Variants in CSMD1 observed in about 807,000 individuals in gnomAD.
CSMD1 encodes CUB and sushi domain-containing protein 1.
A neutral mutation model predicts 417.5 loss-of-function variants in CSMD1; 213 were observed. The observed-to-expected ratio is 0.51, with a 90% CI of 0.46 to 0.57. The LOEUF (loss-of-function observed/expected upper bound fraction) is 0.57, where lower values mean the gene tolerates loss of function less well. CSMD1 is among the 20% of genes least tolerant of loss of function. CSMD1 has a pLI of 0.00. For missense variants in CSMD1, 6,923 were observed against 4,529.7 expected, an observed-to-expected ratio of 1.53 and a Z score of -15.17; for synonymous variants, 2,862 against 1,736.8, an observed-to-expected ratio of 1.65 and a Z score of -16.11.
chr8:4,815,226 G>T (rs535022056), intron 1 of CSMD1, among the ~76,000 whole-genome samples: 1 of 151,450 alleles, frequency 6.6e-6, no homozygotes, highest in East Asian at 2.0e-4. Flanking sequence ...TTCATCAAAT[G>T]ATTATTTGAT....
rs558697045 is a variant in CSMD1, at chr8:4,563,834, G to A, written c.302+73508C>T. 7.9e-5 allele frequency among the ~76,000 whole-genome samples: 12 copies of A among 152,252 alleles called. No individual in the cohort carries two copies. In the South Asian group the frequency reaches 2.5e-3, roughly 32 times the overall value. ...CTGTCCTCAATGTTCCTAAGTATAA[G>A]AATATCTAGGATATCTGCTGAGAAG... On this transcript the variant is annotated intron_variant, in intron 2 of 69. Coordinates refer to ENST00000635120, the MANE Select transcript of CSMD1 (RefSeq NM_033225.6).
chr8:4,479,807 C>G (rs1259160018), intron 2 of CSMD1, among the ~76,000 whole-genome samples: 1 of 151,474 alleles, frequency 6.6e-6, no homozygotes, highest in Non-Finnish European at 1.5e-5. Context: ...CTACTGAAAA[C>G]ACAAAAATTA....
chr8:3,357,734 C>T (rs530140039), intron 21 of CSMD1, among the ~76,000 whole-genome samples: 1 of 152,274 alleles, frequency 6.6e-6, no homozygotes, highest in East Asian at 1.9e-4. Flanking sequence ...CCAACCAATT[C>T]TGGGAACTCC....
At chr8:3,306,820 CA>C (rs754280871) in intron 25 of CSMD1, among the ~76,000 whole-genome samples, 2,594 of 144,062 alleles carry the variant, frequency 0.018, 32 homozygotes, top group Non-Finnish European at 0.027. Flanking sequence ...AGTAGATCAC[CA>C]AGAGCTTACT....
intron 1 of CSMD1, among the ~76,000 whole-genome samples, chr8:4,663,930 A>C (rs1289014932): frequency 6.6e-6 from 1 of 152,156 alleles, no homozygotes; most frequent in Non-Finnish European, 1.5e-5. Flanking sequence ...CGATGGCTCC[A>C]CTGGGATGGA....
At chr8:3,630,685 T>C (rs972987553) in intron 7 of CSMD1, among the ~76,000 whole-genome samples, 1 of 151,582 alleles carries the variant, frequency 6.6e-6, no homozygotes, top group Admixed American at 6.6e-5. Context: ...GTGAGAGAAA[T>C]GTGTGAGTGG....
chr8:4,012,118 T>C (rs1260452394), intron 4 of CSMD1, among the ~76,000 whole-genome samples: 1 of 152,166 alleles, frequency 6.6e-6, no homozygotes, highest in African/African-American at 2.4e-5. Context: ...TTTTCTAGAT[T>C]TAAAATATAT....
intron 23 of CSMD1, among the ~76,000 whole-genome samples, chr8:3,315,581 A>ATTAAG (rs1805697081): frequency 6.6e-6 from 1 of 152,148 alleles, no homozygotes; most frequent in Non-Finnish European, 1.5e-5. Context: ...TTTCCCATAT[A>ATTAAG]TTAAGTTTTT....
At chr8:3,322,292 G>C (rs890821149) in intron 23 of CSMD1, among the ~76,000 whole-genome samples, 1 of 152,044 alleles carries the variant, frequency 6.6e-6, no homozygotes, top group African/African-American at 2.4e-5. Context: ...TTCACTTAGA[G>C]CCATTTTATT....
intron 3 of CSMD1, among the ~76,000 whole-genome samples, chr8:4,042,815 T>TAGAAAAAAAAAAA (rs1797959258): frequency 2.4e-5 from 1 of 41,312 alleles, no homozygotes; most frequent in Non-Finnish European, 4.3e-5. Context: ...TACAACATAT[T>TAGAAAAAAAAAAA]AAAAAAAAAA....
intron 1 of CSMD1, among the ~76,000 whole-genome samples, chr8:4,832,104 G>C (rs184581599): frequency 1.8e-4 from 27 of 152,226 alleles, no homozygotes; most frequent in Admixed American, 1.3e-3. Flanking sequence ...GGAACCTTTT[G>C]TGTACTGTTC....
intron 2 of CSMD1, among the ~76,000 whole-genome samples, chr8:4,465,644 C>T (rs1400638398): frequency 6.6e-6 from 1 of 152,126 alleles, no homozygotes; most frequent in African/African-American, 2.4e-5. Context: ...ACAAGATTTC[C>T]AAATCCCAAG....
chr8:4,173,094 T>G (rs1647299), intron 3 of CSMD1, among the ~76,000 whole-genome samples: 30,545 of 151,922 alleles, frequency 0.2, 3,174 homozygotes, highest in East Asian at 0.32. Context: ...CAGGGAAAGG[T>G]TGTATGAACC....
At chr8:4,023,481 T>A (rs1000627712) in intron 4 of CSMD1, among the ~76,000 whole-genome samples, 2 of 152,074 alleles carry the variant, frequency 1.3e-5, no homozygotes, top group Admixed American at 6.6e-5. Context: ...GATTGCAATG[T>A]TGGAATCACA....
intron 5 of CSMD1, among the ~76,000 whole-genome samples, chr8:3,908,553 T>C (rs1357329208): frequency 6.6e-6 from 1 of 152,176 alleles, no homozygotes; most frequent in Non-Finnish European, 1.5e-5. Context: ...AACACTTTTG[T>C]AGCTATGGAG....
intron 1 of CSMD1, among the ~76,000 whole-genome samples, chr8:4,893,590 T>C (rs900882437): frequency 7.2e-5 from 11 of 152,204 alleles, no homozygotes; most frequent in African/African-American, 2.4e-4. Context: ...GTGATGTATT[T>C]ACATAAATTA....
chr8:4,042,293 G>A (rs1203679266), intron 3 of CSMD1, among the ~76,000 whole-genome samples: 5 of 152,120 alleles, frequency 3.3e-5, no homozygotes, highest in South Asian at 2.1e-4. Flanking sequence ...CTACTAGTGG[G>A]GGTAGGAGTA....
chr8:3,429,849 G>C (rs2938237), intron 12 of CSMD1, among the ~76,000 whole-genome samples: 106,120 of 151,984 alleles, frequency 0.7, 37,355 homozygotes, highest in Non-Finnish European at 0.74. Flanking sequence ...TACATCCACA[G>C]CAACAGCCAG....
chr8:3,487,562 C>A (rs949113093), intron 11 of CSMD1, among the ~76,000 whole-genome samples: 6 of 152,146 alleles, frequency 3.9e-5, no homozygotes, highest in Non-Finnish European at 1.5e-5. Flanking sequence ...CATCTAGTCA[C>A]AAGGAGGGTA....
Sources: gnomAD v4.1 joint callset for allele counts (sites outside exome capture counted in the v4.1 genomes callset) on GRCh38, gnomAD v4.1.1 for gene constraint, MANE v1.5 for transcripts, NCBI Gene and HGNC (gene_info 2026-07-23, HGNC 2026-07-21) for gene names.